The following GPC6 variants were observed in gnomAD, a reference collection of about 807,000 sequenced individuals.
The protein encoded by GPC6 is glypican-6.
In GPC6, 14 loss-of-function variants were observed where a neutral mutation model predicts 55.2. The observed-to-expected ratio is 0.25, with a 90% CI of 0.17 to 0.40. The LOEUF (loss-of-function observed/expected upper bound fraction) is 0.40. Among genes scored for constraint, GPC6 ranks in the 10% least tolerant of loss-of-function variants. The pLI, the probability that GPC6 is intolerant of heterozygous loss-of-function variation, is 1.00. For synonymous variants in GPC6, 278 were observed against 259.6 expected (o/e 1.07, Z -0.68); for missense variants, 641 against 708.5 (o/e 0.90, Z 1.08).
intron 4 of GPC6, among the ~76,000 whole-genome samples, chr13:94,081,855 T>G (rs1025936893): frequency 1.3e-5 from 2 of 150,952 alleles, no homozygotes; most frequent in Non-Finnish European, 3.0e-5. Context: ...TTTTTTTTTT[T>G]TTTGAGACAC....
intron 6 of GPC6, among the ~76,000 whole-genome samples, chr13:94,320,449 T>C (rs1207170040): frequency 6.6e-6 from 1 of 152,198 alleles, no homozygotes; most frequent in Non-Finnish European, 1.5e-5. Context: ...TTGTGGGTTT[T>C]TTTTGTGTGA....
intron 4 of GPC6, among the ~76,000 whole-genome samples, chr13:94,157,330 G>A (rs1477628022): frequency 6.6e-6 from 1 of 152,178 alleles, no homozygotes; most frequent in Non-Finnish European, 1.5e-5. Flanking sequence ...TCAAAGGAAG[G>A]TAAAAATGGG....
rs78769823 is a variant in GPC6 at position 94,128,933 on chromosome 13, C to G, written c.877+101039C>G. Among the ~76,000 whole-genome samples, 378 of 152,224 alleles carry G rather than the reference C, an allele frequency of 2.5e-3. 2 individuals carry two copies. Among genetic ancestry groups the G allele is most frequent in the African/African-American group, 8.2e-3 (339 of 41,558 alleles). On this transcript the variant is annotated intron_variant, in intron 4 of 8. Coordinates refer to ENST00000377047, the MANE Select transcript of GPC6 (RefSeq NM_005708.5). ...TTTCCACACCCACGTTACTCAAATA[C>G]AAAAACCAGTATCTCTAAGCATTTT...
At chr13:93,943,674 AAG>A (rs1878847555) in intron 3 of GPC6, among the ~76,000 whole-genome samples, 1 of 152,054 alleles carries the variant, frequency 6.6e-6, no homozygotes, top group African/African-American at 2.4e-5. Flanking sequence ...CAAATTTCAA[AAG>A]CCTTTTTAAA....
At chr13:93,386,543 G>T (rs1030744774) in intron 1 of GPC6, among the ~76,000 whole-genome samples, 1 of 152,152 alleles carries the variant, frequency 6.6e-6, no homozygotes, top group Non-Finnish European at 1.5e-5. Context: ...AGGGTAAAAG[G>T]CCCAGAAAGA....
At chr13:93,500,475 A>G (rs758878375) in intron 1 of GPC6, among the ~76,000 whole-genome samples, 1 of 151,960 alleles carries the variant, frequency 6.6e-6, no homozygotes, top group Admixed American at 6.6e-5. Flanking sequence ...TTGTGCTTCT[A>G]TGAAGCAGTG....
At chr13:93,887,665 T>C (rs763398180) in intron 3 of GPC6, among the ~76,000 whole-genome samples, 1 of 152,068 alleles carries the variant, frequency 6.6e-6, no homozygotes, top group Non-Finnish European at 1.5e-5. Context: ...CAAAAGAGCC[T>C]CTGTGGGGAA....
At chr13:94,335,290 G>A (rs1024272414) in intron 6 of GPC6, among the ~76,000 whole-genome samples, 1 of 152,178 alleles carries the variant, frequency 6.6e-6, no homozygotes, top group African/African-American at 2.4e-5. Context: ...AGGTGGATAG[G>A]ATATGCTGAA....
intron 1 of GPC6, among the ~76,000 whole-genome samples, chr13:93,519,470 T>C (rs1324223278): frequency 6.6e-6 from 1 of 151,992 alleles, no homozygotes; most frequent in Non-Finnish European, 1.5e-5. Context: ...CAAAATCTGA[T>C]CTTCAACCTG....
At chr13:93,960,884 C>T (rs963643622) in intron 3 of GPC6, among the ~76,000 whole-genome samples, 3 of 148,866 alleles carry the variant, frequency 2.0e-5, no homozygotes, top group Admixed American at 1.4e-4. Context: ...GCAATCTCGA[C>T]TCACTGCAAG....
At position 93,947,490 on chromosome 13, in the gene GPC6, A is replaced by G. The variant is rs11070071; in HGVS notation, c.712-80239A>G. ...TATGAAAAACAGTTGATGGATAGATACGCAATATGCAACATGCAATTTTAA... is the reference window on the plus strand; with the variant it reads ...TATGAAAAACAGTTGATGGATAGATGCGCAATATGCAACATGCAATTTTAA... On this transcript the variant is annotated intron_variant, in intron 3 of 8. Coordinates refer to ENST00000377047, the MANE Select transcript of GPC6 (RefSeq NM_005708.5). Among the ~76,000 whole-genome samples the G allele has an allele frequency of 2.3e-3, 349 of 152,336 alleles. 2 individuals carry two copies. Among genetic ancestry groups the G allele is most frequent in the African/African-American group, 7.6e-3 (316 of 41,566 alleles).
intron 2 of GPC6, among the ~76,000 whole-genome samples, chr13:93,728,560 C>CTTATTTAT (rs71272211): frequency 2.5e-4 from 38 of 149,420 alleles, no homozygotes; most frequent in East Asian, 1.0e-3. Context: ...CTTATGTTAT[C>CTTATTTAT]TTATTTATTT....
intron 1 of GPC6, among the ~76,000 whole-genome samples, chr13:93,536,897 C>T (rs569343939): frequency 5.3e-5 from 8 of 152,250 alleles, no homozygotes; most frequent in Admixed American, 2.6e-4. Flanking sequence ...AGTGTTTATA[C>T]GGAAGCCTTT....
intron 4 of GPC6, among the ~76,000 whole-genome samples, chr13:94,097,008 T>A (rs560443775): frequency 8.6e-6 from 1 of 116,362 alleles, no homozygotes; most frequent in East Asian, 4.2e-4. Context: ...ATACCTATTA[T>A]GATAAATAGG....
At chr13:93,593,863 G>T (rs1402215601) in intron 2 of GPC6, among the ~76,000 whole-genome samples, 1 of 152,012 alleles carries the variant, frequency 6.6e-6, no homozygotes, top group African/African-American at 2.4e-5. Context: ...ATATAAGAAA[G>T]ATTTCTCTGT....
chr13:93,816,966 T>C (rs780760580), intron 2 of GPC6, among the ~76,000 whole-genome samples: 3 of 152,192 alleles, frequency 2.0e-5, no homozygotes, highest in African/African-American at 7.2e-5. Context: ...TAATAGACCC[T>C]TTCGAAGCCT....
intron 1 of GPC6, among the ~76,000 whole-genome samples, chr13:93,283,576 T>C (rs1462824326): frequency 3.3e-5 from 5 of 152,172 alleles, no homozygotes; most frequent in Non-Finnish European, 7.3e-5. Flanking sequence ...CCAATTTTCA[T>C]TATTGGCAAA....
intron 3 of GPC6, among the ~76,000 whole-genome samples, chr13:93,939,666 TC>T (rs1878629315): frequency 6.6e-6 from 1 of 152,074 alleles, no homozygotes; most frequent in Non-Finnish European, 1.5e-5. Context: ...CCCAGGCTGG[TC>T]TTGAGCTCCT....
intron 3 of GPC6, among the ~76,000 whole-genome samples, chr13:93,982,125 A>G (rs189240730): frequency 3.5e-4 from 53 of 152,294 alleles, no homozygotes; most frequent in Non-Finnish European, 6.8e-4. Flanking sequence ...ATTTGTGATC[A>G]TTTTTAACTT....
Sources: allele counts gnomAD v4.1 joint callset (sites outside exome capture counted in the v4.1 genomes callset), GRCh38; gene constraint gnomAD v4.1.1; transcripts MANE v1.5; gene names NCBI Gene and HGNC (gene_info 2026-07-23, HGNC 2026-07-21).